CACNA1D: variants seen among roughly 807,000 people sequenced by gnomAD.
CACNA1D encodes calcium voltage-gated channel subunit alpha1 D.
In CACNA1D, 55 loss-of-function variants were observed where a neutral mutation model predicts 257.1. That is an observed-to-expected ratio of 0.21 (90% CI 0.17 to 0.27). The LOEUF (loss-of-function observed/expected upper bound fraction) is 0.27, where lower values mean the gene tolerates loss of function less well. CACNA1D is among the 10% of genes least tolerant of loss of function. CACNA1D has a pLI of 1.00. For missense variants in CACNA1D, 1,876 were observed against 2,784.0 expected, an observed-to-expected ratio of 0.67 and a Z score of 7.34; for synonymous variants, 980 against 1,014.9, an observed-to-expected ratio of 0.97 and a Z score of 0.65.
At chr3:53,809,393 G>A in intron 46 of CACNA1D, 1 of 170,902 alleles carries the variant, frequency 5.9e-6, no homozygotes, top group South Asian at 1.5e-4. Flanking sequence ...ATTCATTCGT[G>A]CACGACAGGG....
chr3:53,762,103 C>G, intron 30 of CACNA1D, 22 bp downstream of exon 30: 1 of 1,485,112 alleles, frequency 6.7e-7, no homozygotes, highest in Non-Finnish European at 9.4e-7. Flanking sequence ...CCTGGCGTGG[C>G]CGCCACCTGT....
intron 3 of CACNA1D, among the ~76,000 whole-genome samples, chr3:53,639,806 C>A (rs2093929080): frequency 6.7e-6 from 1 of 150,276 alleles, no homozygotes; most frequent in Non-Finnish European, 1.5e-5. Flanking sequence ...TGAAAGTGTT[C>A]AGTTTTAAAC....
rs780717677 is a variant in CACNA1D, at chr3:53,732,072, C to T, written c.2463C>T (p.Cys821=). The T allele has an allele frequency of 2.0e-5, 32 of 1,611,394 alleles. No homozygotes were observed. Among genetic ancestry groups the T allele is most frequent in the Admixed American group, 1.7e-4 (10 of 60,002 alleles). Residue 821 remains cysteine (C), a synonymous_variant, in exon 18 of 48, where the codon TGC becomes TGT. Coordinates refer to ENST00000350061, the MANE Select transcript of CACNA1D (RefSeq NM_001128840.3). ...EDEDKDPYPP[C]DVPVGEEEEE... is the part of the protein sequence containing the mutation. ...AAGACAAGGACCCCTATCCGCCTTGCGATGTGCCAGGTATGGTGGCGGAGG... is the reference window on the plus strand; with the variant it reads ...AAGACAAGGACCCCTATCCGCCTTGTGATGTGCCAGGTATGGTGGCGGAGG...
chr3:53,657,679 A>T (rs995242647), intron 4 of CACNA1D, among the ~76,000 whole-genome samples: 1 of 152,226 alleles, frequency 6.6e-6, no homozygotes, highest in Non-Finnish European at 1.5e-5. Flanking sequence ...AACAGAAGAA[A>T]GGTTTTAAAA....
chr3:53,657,215 T>C (rs571899537), intron 4 of CACNA1D, among the ~76,000 whole-genome samples: 3 of 151,918 alleles, frequency 2.0e-5, no homozygotes, highest in African/African-American at 7.2e-5. Context: ...CAAAAAGAAA[T>C]GAACTGCTGA....
chr3:53,575,337 G>A (rs529418909), intron 3 of CACNA1D, among the ~76,000 whole-genome samples: 13 of 152,284 alleles, frequency 8.5e-5, no homozygotes, highest in African/African-American at 2.6e-4. Context: ...AGATGCTGCC[G>A]TGCATGGGCA....
chr3:53,649,857 C>A (rs1031375493), intron 3 of CACNA1D, among the ~76,000 whole-genome samples: 2 of 152,190 alleles, frequency 1.3e-5, no homozygotes, highest in African/African-American at 4.8e-5. Flanking sequence ...CTCTGTTGGT[C>A]CATGTTTCTA....
In CACNA1D at chr3:53,751,787, G is replaced by C; in HGVS notation, c.3555G>C (p.Leu1185Phe). ...CVEYALKARP[L>F]RRYIPKNPYQ... ...AATACGCCTTGAAAGCACGTCCCTT[G>C]CGGAGATACATCCCCAAAAACCCCT... The change falls in exon 28 of 48, where the codon TTG becomes TTC. Residue 1185 changes from leucine (L) to phenylalanine (F), a missense_variant. Transcript: ENST00000350061. This position sits in a 1 kb window ranked among gnomAD's most constrained non-coding sequence, Gnocchi z 4.3. The C allele has an allele frequency of 6.2e-7, 1 of 1,614,138 alleles. No individual in the cohort carries two copies. The highest frequency in any genetic ancestry group is 8.5e-7 in the Non-Finnish European group (1 of 1,180,024).
At chr3:53,550,165 C>T (rs1387010364) in intron 3 of CACNA1D, among the ~76,000 whole-genome samples, 4 of 152,126 alleles carry the variant, frequency 2.6e-5, no homozygotes, top group African/African-American at 9.7e-5. Flanking sequence ...TGGGGATGCC[C>T]TTCCAGAATG....
intron 9 of CACNA1D, among the ~76,000 whole-genome samples, chr3:53,713,224 A>T (rs2094779383): frequency 6.6e-6 from 1 of 152,212 alleles, no homozygotes; most frequent in African/African-American, 2.4e-5. Context: ...GCCTTCCTGC[A>T]GTTATAGCAG....
intron 4 of CACNA1D, among the ~76,000 whole-genome samples, chr3:53,659,095 A>G (rs910361733): frequency 3.9e-5 from 6 of 152,230 alleles, no homozygotes; most frequent in Non-Finnish European, 8.8e-5. Context: ...CTGATTGGCC[A>G]GAGTTGATGC....
chr3:53,760,386 A>T (rs1290402844), intron 29 of CACNA1D, among the ~76,000 whole-genome samples: 1 of 152,176 alleles, frequency 6.6e-6, no homozygotes, highest in African/African-American at 2.4e-5. Flanking sequence ...TGACACCTCA[A>T]AGTACTTTTT....
intron 3 of CACNA1D, among the ~76,000 whole-genome samples, chr3:53,517,790 C>G (rs72957271): frequency 2.6e-5 from 4 of 152,078 alleles, no homozygotes; most frequent in African/African-American, 9.7e-5. Flanking sequence ...CCATGCATCA[C>G]GATTTTCAAA....
intron 3 of CACNA1D, among the ~76,000 whole-genome samples, chr3:53,643,235 C>G (rs2093981508): frequency 1.3e-5 from 2 of 152,036 alleles, no homozygotes; most frequent in African/African-American, 4.8e-5. Context: ...ATTGTTGTTC[C>G]TCTAAGTGCA....
intron 3 of CACNA1D, among the ~76,000 whole-genome samples, chr3:53,517,995 C>T (rs926905748): frequency 1.3e-5 from 2 of 152,242 alleles, no homozygotes; most frequent in African/African-American, 2.4e-5. Flanking sequence ...TCATCCTCTT[C>T]CTAAATCTGT....
intron 3 of CACNA1D, among the ~76,000 whole-genome samples, chr3:53,538,355 C>T (rs1030781192): frequency 8.6e-5 from 13 of 152,014 alleles, no homozygotes; most frequent in Admixed American, 3.9e-4. Flanking sequence ...TGGGGTTTCA[C>T]TGTGTTGCCC....
intron 3 of CACNA1D, among the ~76,000 whole-genome samples, chr3:53,548,073 G>A (rs1005471603): frequency 1.2e-4 from 19 of 152,176 alleles, no homozygotes; most frequent in African/African-American, 4.6e-4. Context: ...TCAAGGAGTA[G>A]AGGTGATTTG....
chr3:53,582,748 G>T (rs900577081), intron 3 of CACNA1D, among the ~76,000 whole-genome samples: 1 of 152,184 alleles, frequency 6.6e-6, no homozygotes, highest in African/African-American at 2.4e-5. Context: ...CAATGCTATT[G>T]GTGCAAGTAG....
intron 3 of CACNA1D, among the ~76,000 whole-genome samples, chr3:53,598,869 G>A (rs1168136097): frequency 6.6e-6 from 1 of 152,214 alleles, no homozygotes; most frequent in Non-Finnish European, 1.5e-5. Context: ...AACTGTCCAT[G>A]TCATCTTGGA....
Sources: allele counts gnomAD v4.1 joint callset (sites outside exome capture counted in the v4.1 genomes callset), GRCh38; gene constraint gnomAD v4.1.1; non-coding constraint Gnocchi (gnomAD v3.1); transcripts MANE v1.5; gene names NCBI Gene and HGNC (gene_info 2026-07-23, HGNC 2026-07-21).